The following SSU72 variants were observed in gnomAD, a reference collection of about 807,000 sequenced individuals.
SSU72 encodes the protein RNA polymerase II subunit A C-terminal domain phosphatase SSU72.
SSU72 carries 12 observed loss-of-function variants against 22.7 expected under a neutral mutation model. The ratio of observed to expected loss-of-function variants is 0.53; its 90% CI spans 0.34 to 0.86. The LOEUF (loss-of-function observed/expected upper bound fraction) is 0.86, where lower values mean the gene tolerates loss of function less well. Ranked by LOEUF, SSU72 falls within the 40% of genes least tolerant of loss-of-function variation. The pLI is 0.02. For synonymous variants in SSU72, 116 were observed against 98.3 expected, an observed-to-expected ratio of 1.18 and a Z score of -1.06; for missense variants, 151 against 249.8, an observed-to-expected ratio of 0.60 and a Z score of 2.67.
intron 2 of SSU72, among the ~76,000 whole-genome samples, chr1:1,550,629 C>T (rs943022825): frequency 6.6e-6 from 1 of 152,082 alleles, no homozygotes; most frequent in Non-Finnish European, 1.5e-5. Context: ...GGGATGGTCC[C>T]GGGCCCAGGG....
chr1:1,558,446 AGGT>A (rs1365692108), intron 2 of SSU72, among the ~76,000 whole-genome samples: 1 of 152,214 alleles, frequency 6.6e-6, no homozygotes, highest in African/African-American at 2.4e-5. Context: ...TCCACAAGAG[AGGT>A]ACAAACAGTA....
chr1:1,554,968 G>T lies in SSU72; in HGVS notation c.224+9805C>A, dbSNP rs901993797. On this transcript the variant is annotated intron_variant, in intron 2 of 4. Transcript: ENST00000291386. This position sits in a 1 kb window ranked among gnomAD's most constrained non-coding sequence, Gnocchi z 4.1. ...GGTGTTGATGCTCCGTGGAAGCCTT[G>T]GTCCTTCCCCGGAAGGCCACACCAT... Among the ~76,000 whole-genome samples, 3 of 151,910 alleles carry T rather than the reference G, an allele frequency of 2.0e-5. No homozygotes were observed. The South Asian group carries it at 6.2e-4, about 32-fold the overall frequency.
At chr1:1,559,508 T>C (rs1318013875) in intron 2 of SSU72, among the ~76,000 whole-genome samples, 2 of 152,208 alleles carry the variant, frequency 1.3e-5, no homozygotes, top group African/African-American at 4.8e-5. Context: ...GGAAAGAACC[T>C]ACACAGTAGA....
At chr1:1,568,871 A>AAAAT (rs1026306296) in intron 1 of SSU72, among the ~76,000 whole-genome samples, 6 of 150,706 alleles carry the variant, frequency 4.0e-5, no homozygotes, top group Admixed American at 1.3e-4. Context: ...CCTGTCTGTA[A>AAAAT]AAATAAATAA....
chr1:1,553,211 C>T (rs1642474601), intron 2 of SSU72, among the ~76,000 whole-genome samples: 1 of 152,132 alleles, frequency 6.6e-6, no homozygotes. Context: ...CGCAGCCTCA[C>T]CCTCAGCACT....
intron 2 of SSU72, among the ~76,000 whole-genome samples, chr1:1,547,730 C>T (rs961429373): frequency 3.9e-5 from 6 of 152,140 alleles, no homozygotes; most frequent in African/African-American, 9.7e-5. Context: ...CTCAGGGCCA[C>T]GGGGAGGCTG....
rs1642787991 is a variant in SSU72 at position 1,574,631 on chromosome 1, T to G, written c.-74A>C. On this transcript the variant is annotated 5_prime_UTR_variant, in exon 1 of 5. Transcript: ENST00000291386. ...CCGCGGCGCTTCCGCGCGAACAAAATGGCGGCCGCGGTGGCCGGAAGCGGG... is the reference window on the plus strand; with the variant it reads ...CCGCGGCGCTTCCGCGCGAACAAAAGGGCGGCCGCGGTGGCCGGAAGCGGG... The G allele has an allele frequency of 1.4e-5, 20 of 1,430,084 alleles. No homozygotes were observed. Among genetic ancestry groups the G allele is most frequent in the East Asian group, 6.1e-5 (2 of 33,050 alleles). 88.6% of individuals were successfully genotyped at this position (1,430,084 alleles called of 1,614,324 possible). A position where few individuals can be genotyped will look rare whatever the true frequency, so the allele number is the denominator to read the frequency against.
Position 1,572,899 on chromosome 1 carries a change from G to T in SSU72, c.80+1579C>A, listed in dbSNP as rs1298533536. On this transcript the variant is annotated intron_variant, in intron 1 of 4. Transcript: ENST00000291386. ...TCTTGGGGGGGGGGGGGTGAGCCTT[G>T]CATTGTTTTGCTTAAATGTATCAAA... is the stretch of plus-strand genomic sequence containing the variant. Among the ~76,000 whole-genome samples, 5 of 139,946 alleles carry T rather than the reference G, an allele frequency of 3.6e-5. No individual in the cohort carries two copies. In the East Asian group the frequency reaches 6.0e-4, roughly 17 times the overall value. The allele number at this position is 139,946 out of a possible 152,430, so 91.8% of individuals were successfully genotyped here.
chr1:1,566,031 T>C (rs951777049), intron 1 of SSU72, among the ~76,000 whole-genome samples: 10 of 150,866 alleles, frequency 6.6e-5, no homozygotes, highest in Non-Finnish European at 1.3e-4. Context: ...CCGAGACAAA[T>C]GGATCACCTG....
At chr1:1,573,662 C>T (rs973569230) in intron 1 of SSU72, among the ~76,000 whole-genome samples, 2 of 152,092 alleles carry the variant, frequency 1.3e-5, no homozygotes, top group Non-Finnish European at 2.9e-5. Context: ...TGTTAATTTT[C>T]CCAAGTTGCT....
At position 1,541,711 on chromosome 1, in the gene SSU72, C is replaced by A; in HGVS notation, c.*355G>T. On this transcript the variant is annotated 3_prime_UTR_variant, in exon 5 of 5. Coordinates refer to ENST00000291386, the MANE Select transcript of SSU72 (RefSeq NM_014188.3). ...TGTTTATTGACAATTCCAGGTCATT[C>A]CTAACACGCCGCAGCAGGGCTCTGT... is the stretch of plus-strand genomic sequence containing the variant. 1 of 251,928 alleles carries A rather than the reference C, an allele frequency of 4.0e-6. No individual in the cohort carries two copies. The highest frequency in any genetic ancestry group is 5.1e-5 in the Admixed American group (1 of 19,642). 15.6% of individuals were successfully genotyped at this position (251,928 alleles called of 1,614,324 possible).
chr1:1,545,769 G>C (rs1354778324), intron 2 of SSU72: 1 of 151,960 alleles, frequency 6.6e-6, no homozygotes, highest in East Asian at 1.9e-4. Flanking sequence ...GAGCAAGACT[G>C]TCTCAAAAAG....
At chr1:1,543,745 T>TCCCCTCTGTCACGGCCTCGGCCAC in intron 4 of SSU72, 124 bp downstream of exon 4, 3 of 409,858 alleles carry the variant, frequency 7.3e-6, no homozygotes, top group South Asian at 5.2e-5. Flanking sequence ...CCTCGGCCAC[T>TCCCCTCTGTCACGGCCTCGGCCAC]CCCCTCTGTC....
chr1:1,573,234 A>G (rs1196794871), intron 1 of SSU72, among the ~76,000 whole-genome samples: 1 of 149,032 alleles, frequency 6.7e-6, no homozygotes, highest in Non-Finnish European at 1.5e-5. Context: ...ATCCTGGCTA[A>G]GATGATGAAA....
At chr1:1,572,765 C>G (rs1338405553) in intron 1 of SSU72, among the ~76,000 whole-genome samples, 1 of 147,616 alleles carries the variant, frequency 6.8e-6, no homozygotes, top group Non-Finnish European at 1.5e-5. Flanking sequence ...CCTACTCCAT[C>G]TTTGTTATGC....
At chr1:1,555,178 C>A (rs1044141780) in intron 2 of SSU72, among the ~76,000 whole-genome samples, 13 of 152,172 alleles carry the variant, frequency 8.5e-5, no homozygotes, top group Non-Finnish European at 1.9e-4. Context: ...AGACTCCCCA[C>A]ATCAGAGGGG....
intron 2 of SSU72, among the ~76,000 whole-genome samples, chr1:1,557,002 A>ACGG (rs1642529291): frequency 6.6e-6 from 1 of 152,232 alleles, no homozygotes; most frequent in Non-Finnish European, 1.5e-5. Flanking sequence ...GCCGTAATTT[A>ACGG]CATTTTAGGC....
Position 1,542,275 on chromosome 1 carries a change from G to C in SSU72, c.484-108C>G, listed in dbSNP as rs1027159725. 1 of 1,065,554 alleles carries C rather than the reference G, an allele frequency of 9.4e-7. No individual in the cohort carries two copies. Among genetic ancestry groups the C allele is most frequent in the African/African-American group, 1.6e-5 (1 of 63,836 alleles). The allele number at this position is 1,065,554 out of a possible 1,614,324, so 66.0% of individuals were successfully genotyped here. On this transcript the variant is annotated intron_variant, in intron 4 of 4. Coordinates refer to ENST00000291386, the MANE Select transcript of SSU72 (RefSeq NM_014188.3). This position sits in a 1 kb window ranked among gnomAD's most constrained non-coding sequence, Gnocchi z 4.4. The stretch of plus-strand genomic sequence containing the variant: ...CAGGCCTGAGCCAGCAGAAACCAGC[G>C]CAGCAGGCAGGCCCTCACCCCACCG...
intron 2 of SSU72, among the ~76,000 whole-genome samples, chr1:1,553,814 C>T (rs1048647445): frequency 3.3e-5 from 5 of 151,036 alleles, no homozygotes; most frequent in Non-Finnish European, 7.4e-5. Flanking sequence ...AAAAAGGCAC[C>T]CAGGCTGACA....
Sources: gnomAD v4.1 joint callset for allele counts (sites outside exome capture counted in the v4.1 genomes callset) on GRCh38, gnomAD v4.1.1 for gene constraint, Gnocchi (gnomAD v3.1) non-coding constraint, MANE v1.5 for transcripts, NCBI Gene and HGNC (gene_info 2026-07-23, HGNC 2026-07-21) for gene names.